FRMD4A: variants seen among roughly 807,000 people sequenced by gnomAD.
The protein encoded by FRMD4A is FERM domain-containing protein 4A.
A neutral mutation model predicts 129.1 loss-of-function variants in FRMD4A; 29 were observed. The observed-to-expected ratio is 0.22, with a 90% CI of 0.17 to 0.31. The LOEUF is 0.31. Among genes scored for constraint, FRMD4A ranks in the 10% least tolerant of loss-of-function variants. The pLI is 1.00. For synonymous variants in FRMD4A, 634 were observed against 571.6 expected (o/e 1.11, Z -1.56); for missense variants, 1,272 against 1,375.8 (o/e 0.92, Z 1.19).
intron 2 of FRMD4A, among the ~76,000 whole-genome samples, chr10:14,177,671 T>G (rs17154778): frequency 0.093 from 14,155 of 152,182 alleles, 1,225 homozygotes; most frequent in African/African-American, 0.23. Context: ...GATTGCATGT[T>G]TAAGGCCGGT....
intron 14 of FRMD4A, among the ~76,000 whole-genome samples, chr10:13,700,079 G>A (rs2086652040): frequency 6.6e-6 from 1 of 151,972 alleles, no homozygotes; most frequent in African/African-American, 2.4e-5. Flanking sequence ...TGACTAAAGG[G>A]ATTGTTTCAT....
chr10:14,186,008 A>AT (rs552920978), intron 2 of FRMD4A, among the ~76,000 whole-genome samples: 327 of 152,306 alleles, frequency 2.1e-3, no homozygotes, highest in Non-Finnish European at 3.7e-3. Context: ...GTCCATGGTG[A>AT]TGGAGCACAG....
chr10:14,289,569 A>T lies in FRMD4A; in HGVS notation c.45+40489T>A, dbSNP rs149686436. 8.1e-3 allele frequency among the ~76,000 whole-genome samples: 1,240 copies of T among 152,168 alleles called. 13 individuals are homozygous for T. Among genetic ancestry groups the T allele is most frequent in the African/African-American group, 0.024 (992 of 41,538 alleles). On this transcript the variant is annotated intron_variant, in intron 2 of 24. Transcript: ENST00000357447. ...TACATGTTTTGCAAATTTTTTTACA[A>T]TTCTGTAGATTGCCTTTTTACAACA...
At chr10:14,161,402 C>T (rs974967739) in intron 2 of FRMD4A, among the ~76,000 whole-genome samples, 3 of 152,050 alleles carry the variant, frequency 2.0e-5, no homozygotes, top group Admixed American at 6.5e-5. Context: ...ACAATAGCCA[C>T]GATATGAAAT....
chr10:13,799,043 G>A (rs1041375246), intron 4 of FRMD4A, among the ~76,000 whole-genome samples: 2 of 152,230 alleles, frequency 1.3e-5, no homozygotes, highest in Admixed American at 1.3e-4. Flanking sequence ...CGGGTGGGAT[G>A]GGGGGGTCCT....
At chr10:13,750,104 GAAAT>G (rs2091520663) in intron 8 of FRMD4A, among the ~76,000 whole-genome samples, 1 of 105,746 alleles carries the variant, frequency 9.5e-6, no homozygotes, top group South Asian at 3.5e-4. Flanking sequence ...AAGAAAGAAA[GAAAT>G]GAAGAAAGAA....
intron 2 of FRMD4A, among the ~76,000 whole-genome samples, chr10:14,282,478 G>A (rs1845554068): frequency 6.6e-6 from 1 of 152,146 alleles, no homozygotes; most frequent in Admixed American, 6.5e-5. Flanking sequence ...TTAGCCGTGA[G>A]GAAGCAACAA....
chr10:14,297,681 T>C (rs1846052761), intron 2 of FRMD4A, among the ~76,000 whole-genome samples: 1 of 152,174 alleles, frequency 6.6e-6, no homozygotes, highest in Non-Finnish European at 1.5e-5. Flanking sequence ...TTTTGTAAAG[T>C]GCTGTGTGTA....
intron 4 of FRMD4A, among the ~76,000 whole-genome samples, chr10:13,797,852 G>C (rs544420316): frequency 3.3e-5 from 5 of 151,618 alleles, no homozygotes; most frequent in East Asian, 1.9e-4. Context: ...AAAGGAAAGA[G>C]AGAAAACACA....
At chr10:13,961,679 C>G (rs1189512927) in intron 2 of FRMD4A, among the ~76,000 whole-genome samples, 1 of 152,194 alleles carries the variant, frequency 6.6e-6, no homozygotes, top group Non-Finnish European at 1.5e-5. Context: ...TTCAACATCA[C>G]AGAAAAGGCA....
chr10:13,652,177 GACGGGCCCT>G, intron 23 of FRMD4A: 1 of 594,824 alleles, frequency 1.7e-6, no homozygotes, highest in Non-Finnish European at 3.0e-6. Flanking sequence ...TGTTAGGAGG[GACGGGCCCT>G]CTTTTACCCA....
intron 2 of FRMD4A, among the ~76,000 whole-genome samples, chr10:13,885,132 C>T (rs1041899154): frequency 6.6e-6 from 1 of 152,190 alleles, no homozygotes; most frequent in Non-Finnish European, 1.5e-5. Flanking sequence ...TGCCTGTAAT[C>T]CCAGGGCTTG....
intron 6 of FRMD4A, among the ~76,000 whole-genome samples, chr10:13,772,290 A>G (rs2092480909): frequency 6.6e-6 from 1 of 150,772 alleles, no homozygotes; most frequent in Admixed American, 6.6e-5. Context: ...CAGGTGAAAT[A>G]TTAGATTCCT....
At chr10:13,890,369 T>C in intron 2 of FRMD4A, 1 of 188,954 alleles carries the variant, frequency 5.3e-6, no homozygotes, top group Non-Finnish European at 9.8e-6. Context: ...CCTAAGGTAC[T>C]TCCCCAGGGT....
rs917560241 is a variant in FRMD4A at position 13,839,733 on chromosome 10, C to G, written c.111+19114G>C. Among the ~76,000 whole-genome samples the G allele has an allele frequency of 2.6e-5, 4 of 152,276 alleles. No homozygotes were observed. The South Asian group carries it at 8.3e-4, about 32-fold the overall frequency. ...CTCCTGGTTCAGGAAAGGAAGGGGG[C>G]CTTGAGCCACCAGCCATGTCCCGCA... On this transcript the variant is annotated intron_variant, in intron 3 of 24. Transcript: ENST00000357447.
chr10:13,866,273 G>C (rs867633881), intron 2 of FRMD4A: 9 of 980,862 alleles, frequency 9.2e-6, no homozygotes, highest in Non-Finnish European at 8.5e-6. Flanking sequence ...CTGACAGCAC[G>C]TCTTCCCCGA....
intron 2 of FRMD4A, among the ~76,000 whole-genome samples, chr10:13,956,164 G>GT (rs752675024): frequency 1.3e-4 from 19 of 151,690 alleles, no homozygotes; most frequent in East Asian, 1.9e-4. Flanking sequence ...TTTTTCTTTT[G>GT]TTTTTTTAGA....
At chr10:13,674,279 C>T (rs1431856067) in intron 16 of FRMD4A, among the ~76,000 whole-genome samples, 1 of 152,126 alleles carries the variant, frequency 6.6e-6, no homozygotes, top group Non-Finnish European at 1.5e-5. Flanking sequence ...AACTCAGGCA[C>T]AAAATCTTGG....
chr10:13,832,635 C>T (rs764488592), intron 3 of FRMD4A, among the ~76,000 whole-genome samples: 1 of 152,146 alleles, frequency 6.6e-6, no homozygotes, highest in Non-Finnish European at 1.5e-5. Context: ...CTCACAGCAA[C>T]CTTGAACTCT....
Sources: gnomAD v4.1 joint callset for allele counts (sites outside exome capture counted in the v4.1 genomes callset) on GRCh38, gnomAD v4.1.1 for gene constraint, MANE v1.5 for transcripts, NCBI Gene and HGNC (gene_info 2026-07-23, HGNC 2026-07-21) for gene names.